The following DNAJC15 variants were observed in gnomAD, a reference collection of about 807,000 sequenced individuals.
DNAJC15 encodes the protein dnaJ homolog subfamily C member 15.
DNAJC15 carries 27 observed loss-of-function variants against 22.4 expected under a neutral mutation model. That is an observed-to-expected ratio of 1.20 (90% CI 0.89 to 1.66). DNAJC15 has a LOEUF of 1.66. Among genes scored for constraint, DNAJC15 ranks in the 40% most tolerant of loss-of-function variants. DNAJC15 has a pLI of 0.00. For missense variants in DNAJC15, 208 were observed against 187.1 expected, an observed-to-expected ratio of 1.11 and a Z score of -0.65; for synonymous variants, 79 against 63.2, an observed-to-expected ratio of 1.25 and a Z score of -1.19.
At position 43,096,537 on chromosome 13, in the gene DNAJC15, T is replaced by A. The variant is rs541777696; in HGVS notation, c.383-10641T>A. On this transcript the variant is annotated intron_variant, in intron 5 of 5. Transcript: ENST00000379221. The stretch of plus-strand genomic sequence containing the variant: ...CTGGAAACAATGTCATATGAGCAAT[T>A]ATTCATTCAACAAAATTTACTGAGT... 7.2e-5 allele frequency among the ~76,000 whole-genome samples: 11 copies of A among 152,268 alleles called. No individual in the cohort carries two copies. In the East Asian group the frequency reaches 2.1e-3, roughly 29 times the overall value.
At chr13:43,063,054 G>T (rs2040566350) in intron 1 of DNAJC15, among the ~76,000 whole-genome samples, 1 of 152,062 alleles carries the variant, frequency 6.6e-6, no homozygotes, top group South Asian at 2.1e-4. Flanking sequence ...CTGTCGCCCA[G>T]GCTGGAGTGC....
chr13:43,045,434 C>T lies in DNAJC15; in HGVS notation c.109-20252C>T, dbSNP rs191175037. 4.2e-4 allele frequency among the ~76,000 whole-genome samples: 64 copies of T among 152,264 alleles called. 1 individual carries two copies. The East Asian group carries it at 8.3e-3, about 20-fold the overall frequency. ...CCAAGCTCCCCGAGTGCACAATTTC[C>T]GTCCCTTTTACGGGCACACAACACT... is the stretch of plus-strand genomic sequence containing the variant. On this transcript the variant is annotated intron_variant, in intron 1 of 5. Coordinates refer to ENST00000379221, the MANE Select transcript of DNAJC15 (RefSeq NM_013238.3).
intron 5 of DNAJC15, among the ~76,000 whole-genome samples, chr13:43,100,138 T>A (rs1459208170): frequency 6.6e-6 from 1 of 152,024 alleles, no homozygotes; most frequent in Non-Finnish European, 1.5e-5. Flanking sequence ...AATTATCTAA[T>A]TTATTGACAT....
intron 5 of DNAJC15, among the ~76,000 whole-genome samples, chr13:43,101,810 A>G (rs1374149328): frequency 6.6e-6 from 1 of 152,062 alleles, no homozygotes; most frequent in Non-Finnish European, 1.5e-5. Context: ...GATATGTACC[A>G]TGTTTTCTTT....
At chr13:43,047,813 T>A (rs1036384380) in intron 1 of DNAJC15, among the ~76,000 whole-genome samples, 11 of 152,118 alleles carry the variant, frequency 7.2e-5, no homozygotes, top group Non-Finnish European at 8.8e-5. Context: ...AGTAAAAGTT[T>A]AGTACGAGCC....
In DNAJC15 at chr13:43,108,013, C is replaced by T. The variant is rs765824841; in HGVS notation, c.*765C>T. 2 of 152,562 alleles carry T rather than the reference C, an allele frequency of 1.3e-5. No individual in the cohort carries two copies. The highest frequency in any genetic ancestry group is 2.9e-5 in the Non-Finnish European group (2 of 68,028). 9.5% of individuals were successfully genotyped at this position (152,562 alleles called of 1,614,324 possible). ...TGATGTGCAAGGCACTATCGTGCGT[C>T]CCCTGAGAGTTGCAAGTATGAAGCA... On this transcript the variant is annotated 3_prime_UTR_variant, in exon 6 of 6. Coordinates refer to ENST00000379221, the MANE Select transcript of DNAJC15 (RefSeq NM_013238.3).
intron 1 of DNAJC15, among the ~76,000 whole-genome samples, chr13:43,038,563 C>T (rs1207854586): frequency 1.3e-5 from 2 of 152,084 alleles, no homozygotes; most frequent in African/African-American, 2.4e-5. Context: ...GAGGCCAAGG[C>T]GGGCAGATCA....
In DNAJC15 at chr13:43,108,238, GGTAA is replaced by G. The variant is rs2153442548; in HGVS notation, c.*993_*996del. ...TATTCCGATACCATATGATTGGTGA[GGTAA>G]GTGTTATTCTGAGATGAGAATTAGC... On this transcript the variant is annotated 3_prime_UTR_variant, in exon 6 of 6. Transcript: ENST00000379221. The G allele has an allele frequency of 6.6e-6, 1 of 152,312 alleles. No homozygotes were observed. The highest frequency in any genetic ancestry group is 2.1e-4 in the South Asian group (1 of 4,824). 9.4% of individuals were successfully genotyped at this position (152,312 alleles called of 1,614,324 possible). A position where few individuals can be genotyped will look rare whatever the true frequency, so the allele number is the denominator to read the frequency against.
rs2040830752 is a variant in DNAJC15 at position 43,112,755 on chromosome 13, G to T, written c.*5507G>T. ...TCCAAGATTACATAGCCAGTAAGTGGTGGCACTAGGAACCAAATTCAGACT... is the reference window on the plus strand; with the variant it reads ...TCCAAGATTACATAGCCAGTAAGTGTTGGCACTAGGAACCAAATTCAGACT... On this transcript the variant is annotated 3_prime_UTR_variant, in exon 6 of 6. Coordinates refer to ENST00000379221, the MANE Select transcript of DNAJC15 (RefSeq NM_013238.3). 6.6e-6 allele frequency: 1 copy of T among 152,134 alleles called. No individual in the cohort carries two copies. The highest frequency in any genetic ancestry group is 2.4e-5 in the African/African-American group (1 of 41,410). The allele number at this position is 152,134 out of a possible 1,614,324, so 9.4% of individuals were successfully genotyped here. A position where few individuals can be genotyped will look rare whatever the true frequency, so the allele number is the denominator to read the frequency against.
chr13:43,054,636 G>A (rs2040520805), intron 1 of DNAJC15, among the ~76,000 whole-genome samples: 1 of 151,944 alleles, frequency 6.6e-6, no homozygotes, highest in South Asian at 2.1e-4. Flanking sequence ...ATCTTGGAGG[G>A]TTGTATATTT....
chr13:43,081,460 A>G (rs1312275802), intron 4 of DNAJC15, among the ~76,000 whole-genome samples: 2 of 150,388 alleles, frequency 1.3e-5, no homozygotes, highest in African/African-American at 4.9e-5. Context: ...TTTTTTTGAG[A>G]CAGAGTCTTG....
At chr13:43,092,701 C>T (rs2040721092) in intron 5 of DNAJC15, among the ~76,000 whole-genome samples, 1 of 152,078 alleles carries the variant, frequency 6.6e-6, no homozygotes, top group Non-Finnish European at 1.5e-5. Context: ...TGCTTGGGCT[C>T]AGGAATTCAA....
intron 1 of DNAJC15, among the ~76,000 whole-genome samples, chr13:43,058,696 A>T (rs558705897): frequency 1.3e-5 from 2 of 152,292 alleles, no homozygotes; most frequent in Non-Finnish European, 2.9e-5. Context: ...GTTCATCTGG[A>T]ACTTTCCTTC....
Position 43,108,678 on chromosome 13 carries a change from T to A in DNAJC15, c.*1430T>A, listed in dbSNP as rs1050811593. 1 of 152,198 alleles carries A rather than the reference T, an allele frequency of 6.6e-6. No homozygotes were observed. Among genetic ancestry groups the A allele is most frequent in the Non-Finnish European group, 1.5e-5 (1 of 68,038 alleles). 9.4% of individuals were successfully genotyped at this position (152,198 alleles called of 1,614,324 possible). ...GTGCGTTTTAGATGATTAGCAATAA[T>A]CCCTGACCTGTTATCTACTAAAGAC... is the stretch of plus-strand genomic sequence containing the variant. On this transcript the variant is annotated 3_prime_UTR_variant, in exon 6 of 6. Transcript: ENST00000379221.
intron 1 of DNAJC15, among the ~76,000 whole-genome samples, chr13:43,055,811 TGA>T (rs2040527939): frequency 6.6e-6 from 1 of 152,200 alleles, no homozygotes; most frequent in Non-Finnish European, 1.5e-5. Context: ...CCTTGAGGTG[TGA>T]CCTTACATTG....
chr13:43,100,826 G>A (rs933476569), intron 5 of DNAJC15, among the ~76,000 whole-genome samples: 8 of 152,142 alleles, frequency 5.3e-5, no homozygotes, highest in Non-Finnish European at 1.0e-4. Flanking sequence ...GGTCTTTTGT[G>A]TGGTTGTTCT....
intron 1 of DNAJC15, among the ~76,000 whole-genome samples, chr13:43,047,021 G>T (rs1593313367): frequency 6.6e-6 from 1 of 152,060 alleles, no homozygotes; most frequent in Admixed American, 6.5e-5. Context: ...TCACCACATG[G>T]CCCAAGGTTC....
intron 1 of DNAJC15, among the ~76,000 whole-genome samples, chr13:43,044,748 A>T (rs1222447230): frequency 2.0e-5 from 3 of 150,632 alleles, no homozygotes; most frequent in Admixed American, 6.7e-5. Flanking sequence ...CAAAACCTTG[A>T]CTCCATATCC....
intron 1 of DNAJC15, among the ~76,000 whole-genome samples, chr13:43,034,145 G>GA (rs1022714054): frequency 6.6e-6 from 1 of 151,512 alleles, no homozygotes; most frequent in Non-Finnish European, 1.5e-5. Context: ...CAGTATTTGT[G>GA]AGTTTTCTTA....
Sources: allele counts gnomAD v4.1 joint callset (sites outside exome capture counted in the v4.1 genomes callset), GRCh38; gene constraint gnomAD v4.1.1; transcripts MANE v1.5; gene names NCBI Gene and HGNC (gene_info 2026-07-23, HGNC 2026-07-21).